The following SHANK1 variants were observed in gnomAD, a reference collection of about 807,000 sequenced individuals.
SHANK1 encodes the protein SH3 and multiple ankyrin repeat domains protein 1.
A neutral mutation model predicts 165.6 loss-of-function variants in SHANK1; 35 were observed. The observed-to-expected ratio is 0.21, with a 90% CI of 0.16 to 0.28. SHANK1 has a LOEUF of 0.28. Ranked by LOEUF, SHANK1 falls within the 10% of genes least tolerant of loss-of-function variation. SHANK1 has a pLI of 1.00. For missense variants in SHANK1, 2,681 were observed against 3,036.4 expected (o/e 0.88, Z 2.75); for synonymous variants, 1,428 against 1,384.8 (o/e 1.03, Z -0.69).
intron 15 of SHANK1, among the ~76,000 whole-genome samples, chr19:50,692,094 T>C (rs1382374760): frequency 1.3e-5 from 2 of 152,018 alleles, no homozygotes; most frequent in Non-Finnish European, 2.9e-5. Flanking sequence ...AATACTCGGG[T>C]AACTGCAGTG....
At chr19:50,665,003 C>G (rs1008725585) in intron 23 of SHANK1, among the ~76,000 whole-genome samples, 1 of 152,136 alleles carries the variant, frequency 6.6e-6, no homozygotes, top group African/African-American at 2.4e-5. Flanking sequence ...ATGATCCACC[C>G]GCCTCAGCCT....
chr19:50,681,122 G>A (rs575888514), intron 21 of SHANK1, among the ~76,000 whole-genome samples: 24 of 152,188 alleles, frequency 1.6e-4, no homozygotes, highest in African/African-American at 4.8e-4. Context: ...TCGAGACACC[G>A]AGAACAAGAC....
At position 50,688,631 on chromosome 19, in the gene SHANK1, T is replaced by C. The variant is rs1445301839; in HGVS notation, c.2172+213A>G. ...CCATCCCCCGGTATTGTGTATGTGT[T>C]GGGGACAGCTCTGTGTCACTCTTTT... On this transcript the variant is annotated intron_variant, in intron 17 of 23. Coordinates refer to ENST00000293441, the MANE Select transcript of SHANK1 (RefSeq NM_016148.5). The surrounding 1 kb of genome is among the most constrained non-coding windows in gnomAD (Gnocchi z 6.7). 6.6e-6 allele frequency among the ~76,000 whole-genome samples: 1 copy of C among 152,106 alleles called. No homozygotes were observed. Among genetic ancestry groups the C allele is most frequent in the South Asian group, 2.1e-4 (1 of 4,816 alleles).
At position 50,697,493 on chromosome 19, in the gene SHANK1, G is replaced by C. The variant is rs1377460359; in HGVS notation, c.1937+96C>G. On this transcript the variant is annotated intron_variant, in intron 14 of 23. Coordinates refer to ENST00000293441, the MANE Select transcript of SHANK1 (RefSeq NM_016148.5). The surrounding 1 kb of genome is among the most constrained non-coding windows in gnomAD (Gnocchi z 4.7). Reference sequence around the variant, plus strand: ...ATCAAACTTGAGAAGGAACAGATTAGAAAGGGGGCTTAGAGGTGATGGAAA... The same window carrying C: ...ATCAAACTTGAGAAGGAACAGATTACAAAGGGGGCTTAGAGGTGATGGAAA... 1 of 1,016,748 alleles carries C rather than the reference G, an allele frequency of 9.8e-7. No individual in the cohort carries two copies. The highest frequency in any genetic ancestry group is 1.6e-6 in the Non-Finnish European group (1 of 638,720). 63.0% of individuals were successfully genotyped at this position (1,016,748 alleles called of 1,614,324 possible).
chr19:50,710,832 C>G (rs1041427764), intron 8 of SHANK1, among the ~76,000 whole-genome samples: 2 of 152,250 alleles, frequency 1.3e-5, no homozygotes, highest in African/African-American at 4.8e-5. Flanking sequence ...ACACCACTGG[C>G]TGAATGCAGA....
In SHANK1 at chr19:50,716,615, G is replaced by A. The variant is rs1268916264; in HGVS notation, c.255+50C>T. On this transcript the variant is annotated intron_variant, in intron 2 of 23. Transcript: ENST00000293441. The surrounding 1 kb of genome is among the most constrained non-coding windows in gnomAD (Gnocchi z 8.4). ...CCAGCACCAGTGGACTCCCCATGTC[G>A]GTTGGGGCACTGTCCCTCTCCTGCC... 5.8e-6 allele frequency: 9 copies of A among 1,552,680 alleles called. No individual in the cohort carries two copies. Among genetic ancestry groups the A allele is most frequent in the African/African-American group, 1.4e-5 (1 of 73,664 alleles).
chr19:50,669,402 G>C, intron 22 of SHANK1, 117 bp from the exon 23 acceptor site: 1 of 697,026 alleles, frequency 1.4e-6, no homozygotes, highest in Non-Finnish European at 2.5e-6. Context: ...TATATGCCAG[G>C]AACTTCACGT....
chr19:50,659,263 G>A lies in SHANK1; in HGVS notation c.*2702C>T. On this transcript the variant is annotated 3_prime_UTR_variant, in exon 24 of 24. Transcript: ENST00000293441. ...AAGGAGGCGGGGCCGGCTCGAGGGG[G>A]TGGATACTGTGAGTTTAATTATAAA... 1 of 754,386 alleles carries A rather than the reference G, an allele frequency of 1.3e-6. No individual in the cohort carries two copies. The allele number at this position is 754,386 out of a possible 1,614,324, so 46.7% of individuals were successfully genotyped here. A position where few individuals can be genotyped will look rare whatever the true frequency, so the allele number is the denominator to read the frequency against.
In SHANK1 at chr19:50,662,255, C is replaced by G. The variant is rs369551573; in HGVS notation, c.6196G>C (p.Gly2066Arg). The stretch of plus-strand genomic sequence containing the variant: ...CGCGAGGCCCCTGACAAGGCTCCCC[C>G]GAGCCCCCCGGATATCCCCGGGTGT... ...PPHPGISGGL[G>R]GALSGASRSL... Residue 2066 changes from glycine to arginine, a missense_variant, in exon 24 of 24, where the codon GGG (glycine) becomes CGG (arginine). Physicochemically the swap from Gly to Arg is moderately radical, Grantham distance 125. Around this residue, in one of 10 missense-constraint regions of SHANK1, gnomAD observed 1,713 missense variants for 1,630.2 expected, o/e 1.05. Transcript: ENST00000293441. The surrounding 1 kb of genome is among the most constrained non-coding windows in gnomAD (Gnocchi z 7.7). The G allele has an allele frequency of 1.9e-6, 3 of 1,610,834 alleles. No homozygotes were observed. Among genetic ancestry groups the G allele is most frequent in the African/African-American group, 1.3e-5 (1 of 75,030 alleles).
chr19:50,703,617 G>T lies in SHANK1; in HGVS notation c.1436C>A (p.Thr479Asn). 6.4e-7 allele frequency: 1 copy of T among 1,557,084 alleles called. No homozygotes were observed. Among genetic ancestry groups the T allele is most frequent in the South Asian group, 1.2e-5 (1 of 84,718 alleles). ...QGQSQPSAPT[T>N]KLSSGTLRSA... ...TCGGAGGGTCCCGCTGCTGAGCTTG[G>T]TGGTGGGGGCCGAGGGCTGCGACTG... The change falls in exon 11 of 24, where the codon ACC (threonine) becomes AAC (asparagine). Residue 479 changes from threonine to asparagine, a missense_variant. Coordinates refer to ENST00000293441, the MANE Select transcript of SHANK1 (RefSeq NM_016148.5).
At chr19:50,682,206 C>T (rs556388822) in intron 21 of SHANK1, among the ~76,000 whole-genome samples, 1 of 152,200 alleles carries the variant, frequency 6.6e-6, no homozygotes, top group South Asian at 2.1e-4. Context: ...CAGGTGCACA[C>T]CACCACGCCC....
chr19:50,712,151 A>G, intron 6 of SHANK1, 37 bp from the exon 7 acceptor site: 2 of 1,546,372 alleles, frequency 1.3e-6, no homozygotes, highest in South Asian at 2.5e-5. Context: ...AAAAACACAG[A>G]TGACAGTCAC....
rs79111465 is a variant in SHANK1 at position 50,682,677 on chromosome 19, G to T, written c.2577+3560C>A. ...GGAGAGTGTAAAATACAGACTGGGGGGAGGCATGAAGAAATGGGATTAGTG... is the reference window on the plus strand; with the variant it reads ...GGAGAGTGTAAAATACAGACTGGGGTGAGGCATGAAGAAATGGGATTAGTG... On this transcript the variant is annotated intron_variant, in intron 21 of 23. Coordinates refer to ENST00000293441, the MANE Select transcript of SHANK1 (RefSeq NM_016148.5). 5.7e-3 allele frequency among the ~76,000 whole-genome samples: 874 copies of T among 152,236 alleles called. 37 individuals carry two copies. The East Asian group carries it at 0.12, about 21-fold the overall frequency.
Position 50,662,409 on chromosome 19 carries a change from C to A in SHANK1, c.6042G>T (p.Ala2014=), listed in dbSNP as rs768765682. The change falls in exon 24 of 24, where the codon GCG becomes GCT. Residue 2014 remains alanine (A), a synonymous_variant. Transcript: ENST00000293441. The surrounding 1 kb of genome is among the most constrained non-coding windows in gnomAD (Gnocchi z 7.7). The part of the protein sequence containing the change: ...LPASEHKVSP[A]PRPSSLPILP... ...GGATGGGCAGGGACGAGGGCCTGGG[C>A]GCAGGGCTGACCTTGTGCTCCGAGG... The A allele has an allele frequency of 1.9e-6, 3 of 1,565,456 alleles. No individual in the cohort carries two copies. The highest frequency in any genetic ancestry group is 1.8e-5 in the Admixed American group (1 of 54,388).
rs1406755611 is a variant in SHANK1 at position 50,717,681 on chromosome 19, G to A, written c.-43-719C>T. On this transcript the variant is annotated intron_variant, in intron 1 of 23. Coordinates refer to ENST00000293441, the MANE Select transcript of SHANK1 (RefSeq NM_016148.5). The surrounding 1 kb of genome is among the most constrained non-coding windows in gnomAD (Gnocchi z 5.5). ...ACTGGGGCATCTTGAGAGGGTGTGC[G>A]GGTAGGTGGGGAGGTCGGCCTGGGG... is the stretch of plus-strand genomic sequence containing the variant. Among the ~76,000 whole-genome samples the A allele has an allele frequency of 1.3e-5, 2 of 152,118 alleles. No homozygotes were observed. The highest frequency in any genetic ancestry group is 1.5e-5 in the Non-Finnish European group (1 of 68,016).
In SHANK1 at chr19:50,669,357, AC is replaced by A; in HGVS notation, c.2675-73del. The A allele has an allele frequency of 4.0e-6, 4 of 1,008,820 alleles. No individual in the cohort carries two copies. In the South Asian group the frequency reaches 5.7e-5, roughly 14 times the overall value. The allele number at this position is 1,008,820 out of a possible 1,614,324, so 62.5% of individuals were successfully genotyped here. A position where few individuals can be genotyped will look rare whatever the true frequency, so the allele number is the denominator to read the frequency against. ...TCTCCCTGCTCCACTATCCCATAGA[AC>A]CGCAACAATACTAATGACAAGAATG... On this transcript the variant is annotated intron_variant, in intron 22 of 23. Coordinates refer to ENST00000293441, the MANE Select transcript of SHANK1 (RefSeq NM_016148.5).
At chr19:50,682,825 G>T (rs570960119) in intron 21 of SHANK1, among the ~76,000 whole-genome samples, 2 of 152,000 alleles carry the variant, frequency 1.3e-5, no homozygotes, top group African/African-American at 2.4e-5. Context: ...AATCTTTTTC[G>T]TTTGTTTGTT....
chr19:50,672,771 C>T (rs1237772654), intron 21 of SHANK1, among the ~76,000 whole-genome samples: 1 of 152,064 alleles, frequency 6.6e-6, no homozygotes, highest in Non-Finnish European at 1.5e-5. Context: ...CTCCCTGCTG[C>T]CATCCTTGAT....
chr19:50,678,725 T>G, intron 21 of SHANK1, among the ~76,000 whole-genome samples: 1 of 85,144 alleles, frequency 1.2e-5, no homozygotes, highest in Non-Finnish European at 2.4e-5. Flanking sequence ...AGTGGAGGAG[T>G]CAAAGGGAAA....
Sources: allele counts gnomAD v4.1 joint callset (sites outside exome capture counted in the v4.1 genomes callset), GRCh38; gene constraint gnomAD v4.1.1; regional missense constraint gnomAD v4.1.1; non-coding constraint Gnocchi (gnomAD v3.1); transcripts MANE v1.5; gene names NCBI Gene and HGNC (gene_info 2026-07-23, HGNC 2026-07-21).